BNC2: variants seen among roughly 807,000 people sequenced by gnomAD.
BNC2 encodes basonuclin zinc finger protein 2, also known as zinc finger protein basonuclin-2.
A neutral mutation model predicts 76.3 loss-of-function variants in BNC2; 20 were observed. That is an observed-to-expected ratio of 0.26 (90% CI 0.18 to 0.38). The LOEUF (loss-of-function observed/expected upper bound fraction) is 0.38. Among genes scored for constraint, BNC2 ranks in the 10% least tolerant of loss-of-function variants. The pLI, the probability that BNC2 is intolerant of heterozygous loss-of-function variation, is 1.00. For missense variants in BNC2, 1,382 were observed against 1,399.8 expected, an observed-to-expected ratio of 0.99 and a Z score of 0.20; for synonymous variants, 582 against 514.8, an observed-to-expected ratio of 1.13 and a Z score of -1.77.
At chr9:16,837,872 G>C (rs372828240) in intron 1 of BNC2, among the ~76,000 whole-genome samples, 4 of 151,882 alleles carry the variant, frequency 2.6e-5, no homozygotes, top group Admixed American at 6.6e-5. Context: ...AGGTTGCAGT[G>C]AGCCGAGATC....
intron 3 of BNC2, among the ~76,000 whole-genome samples, chr9:16,641,637 C>A (rs1025896603): frequency 2.0e-5 from 3 of 152,144 alleles, no homozygotes; most frequent in Admixed American, 6.5e-5. Flanking sequence ...AACAATCCTG[C>A]TATCACATAA....
intron 1 of BNC2, 134 bp from the exon 2 acceptor site, chr9:16,738,619 T>G: frequency 9.7e-7 from 1 of 1,030,576 alleles, no homozygotes; most frequent in Non-Finnish European, 1.4e-6. Flanking sequence ...TAAGAGTTAA[T>G]AGTTTCTAAG....
intron 3 of BNC2, among the ~76,000 whole-genome samples, chr9:16,607,989 TACAAGC>T (rs966474654): frequency 6.6e-6 from 1 of 152,142 alleles, no homozygotes; most frequent in Non-Finnish European, 1.5e-5. Context: ...ACCCCCATGG[TACAAGC>T]ATCAGTCACA....
At chr9:16,810,204 T>C (rs1818010658) in intron 1 of BNC2, among the ~76,000 whole-genome samples, 1 of 152,240 alleles carries the variant, frequency 6.6e-6, no homozygotes, top group African/African-American at 2.4e-5. Flanking sequence ...ACCTGTCTAC[T>C]AGGGCCCACT....
At position 16,625,096 on chromosome 9, in the gene BNC2, CA is replaced by C. The variant is rs1253609318; in HGVS notation, c.331-42012del. On this transcript the variant is annotated intron_variant, in intron 3 of 6. Transcript: ENST00000380672. ...AGAAACATAAACTGTCAAACTGAATCAAAACCCCTTTGCTTTTCAGAGAATT... is the reference window on the plus strand; with the variant it reads ...AGAAACATAAACTGTCAAACTGAATCAAACCCCTTTGCTTTTCAGAGAATT... 4.6e-5 allele frequency among the ~76,000 whole-genome samples: 7 copies of C among 152,308 alleles called. No individual in the cohort carries two copies. In the East Asian group the frequency reaches 1.3e-3, roughly 29 times the overall value.
chr9:16,869,446 T>C (rs759645575), intron 1 of BNC2, among the ~76,000 whole-genome samples: 1 of 152,124 alleles, frequency 6.6e-6, no homozygotes, highest in Admixed American at 6.5e-5. Context: ...CGCCCCTGCA[T>C]TTGACAGTCC....
At chr9:16,782,541 G>C (rs2135563333) in intron 1 of BNC2, among the ~76,000 whole-genome samples, 1 of 152,120 alleles carries the variant, frequency 6.6e-6, no homozygotes, top group South Asian at 2.1e-4. Context: ...TACCAATGTT[G>C]TTCTTTGTAC....
chr9:16,721,600 C>A (rs2134879441), intron 3 of BNC2, among the ~76,000 whole-genome samples: 1 of 152,220 alleles, frequency 6.6e-6, no homozygotes, highest in South Asian at 2.1e-4. Flanking sequence ...ACCAAAGGTA[C>A]AAGAGGATTT....
At position 16,455,679 on chromosome 9, in the gene BNC2, C is replaced by T. The variant is rs151055489; in HGVS notation, c.670-18155G>A. Among the ~76,000 whole-genome samples the T allele has an allele frequency of 3.7e-3, 556 of 152,062 alleles. 3 individuals carry two copies. Among genetic ancestry groups the T allele is most frequent in the Non-Finnish European group, 5.7e-3 (387 of 68,012 alleles). On this transcript the variant is annotated intron_variant, in intron 5 of 6. Coordinates refer to ENST00000380672, the MANE Select transcript of BNC2 (RefSeq NM_017637.6). ...TGGTGGCACATGCCTGTAATCCCAG[C>T]TACTCAGGAGGCTGAGGCAGGAGAA... is the stretch of plus-strand genomic sequence containing the variant.
chr9:16,802,796 A>G (rs1290579667), intron 1 of BNC2, among the ~76,000 whole-genome samples: 2 of 152,202 alleles, frequency 1.3e-5, no homozygotes, highest in Non-Finnish European at 2.9e-5. Flanking sequence ...CTGGGACCAG[A>G]GAATGTTCTC....
rs574071621 is a variant in BNC2 at position 16,664,729 on chromosome 9, C to CA, written c.330+63067dup. Among the ~76,000 whole-genome samples the CA allele has an allele frequency of 6.6e-4, 98 of 148,962 alleles. 1 individual carries two copies. The South Asian group carries it at 0.011, about 17-fold the overall frequency. ...CAAAAAAAACAAAAAAAAACAAAAA[C>CA]AAAAAAAAACAGGGGATCTACAAGA... On this transcript the variant is annotated intron_variant, in intron 3 of 6. Transcript: ENST00000380672.
intron 4 of BNC2, 35 bp from the exon 5 acceptor site, chr9:16,552,800 G>A (rs1447909804): frequency 2.6e-6 from 4 of 1,533,878 alleles, no homozygotes; most frequent in Non-Finnish European, 3.6e-6. Flanking sequence ...AGAGATGGGG[G>A]TGTTGGGAAT....
intron 1 of BNC2, among the ~76,000 whole-genome samples, chr9:16,801,968 G>C (rs1188433302): frequency 1.3e-5 from 2 of 152,098 alleles, no homozygotes; most frequent in East Asian, 1.9e-4. Context: ...CTAGTATACA[G>C]GAGACATGCA....
intron 1 of BNC2, among the ~76,000 whole-genome samples, chr9:16,738,755 C>T (rs1029365526): frequency 2.0e-5 from 3 of 152,082 alleles, no homozygotes; most frequent in East Asian, 3.9e-4. Flanking sequence ...TTCTTACTCC[C>T]TTTTCTTCCA....
In BNC2 at chr9:16,808,479, C is replaced by CTTTTTTT. The variant is rs768028981; in HGVS notation, c.3+62160_3+62166dup. 3.3e-4 allele frequency among the ~76,000 whole-genome samples: 26 copies of CTTTTTTT among 78,674 alleles called. 1 individual carries two copies. Among genetic ancestry groups the CTTTTTTT allele is most frequent in the Non-Finnish European group, 4.4e-4 (20 of 45,212 alleles). 51.6% of individuals were successfully genotyped at this position (78,674 alleles called of 152,430 possible). A position where few individuals can be genotyped will look rare whatever the true frequency, so the allele number is the denominator to read the frequency against. ...ATCCTAGTTGTGTGATCTTGGGCAA[C>CTTTTTTT]TTTTTTTTTTTTTTTTTTTTTTTTT... On this transcript the variant is annotated intron_variant, in intron 1 of 6. Coordinates refer to ENST00000380672, the MANE Select transcript of BNC2 (RefSeq NM_017637.6).
chr9:16,584,737 T>G (rs905118608), intron 3 of BNC2, among the ~76,000 whole-genome samples: 3 of 152,118 alleles, frequency 2.0e-5, no homozygotes, highest in Non-Finnish European at 4.4e-5. Context: ...GAGAAATATA[T>G]CAGAACATCC....
At chr9:16,660,331 G>A (rs895892605) in intron 3 of BNC2, among the ~76,000 whole-genome samples, 2 of 152,142 alleles carry the variant, frequency 1.3e-5, no homozygotes, top group African/African-American at 2.4e-5. Flanking sequence ...GCACACGCCT[G>A]TAATCCCAGC....
chr9:16,504,197 G>C (rs1822578620), intron 5 of BNC2, among the ~76,000 whole-genome samples: 2 of 151,310 alleles, frequency 1.3e-5, no homozygotes, highest in Admixed American at 6.6e-5. Context: ...TGCTTATAAA[G>C]ATAAGTAATC....
chr9:16,728,750 T>C (rs747113139), intron 2 of BNC2, among the ~76,000 whole-genome samples: 5 of 152,030 alleles, frequency 3.3e-5, no homozygotes, highest in Non-Finnish European at 5.9e-5. Context: ...TTTTATAACA[T>C]AGAAGATGCA....
Sources: allele counts gnomAD v4.1 joint callset (sites outside exome capture counted in the v4.1 genomes callset), GRCh38; gene constraint gnomAD v4.1.1; transcripts MANE v1.5; gene names NCBI Gene and HGNC (gene_info 2026-07-23, HGNC 2026-07-21).